The following GPR158 variants were observed in gnomAD, a reference collection of about 807,000 sequenced individuals.
GPR158 encodes G protein-coupled receptor 158, also known as metabotropic glycine receptor.
A neutral mutation model predicts 78.2 loss-of-function variants in GPR158; 30 were observed. That is an observed-to-expected ratio of 0.38 (90% CI 0.29 to 0.52). The LOEUF (loss-of-function observed/expected upper bound fraction) is 0.52, where lower values mean the gene tolerates loss of function less well. Ranked by LOEUF, GPR158 falls within the 20% of genes least tolerant of loss-of-function variation. The pLI, the probability that GPR158 is intolerant of heterozygous loss-of-function variation, is 0.83. For missense variants in GPR158, 1,463 were observed against 1,523.5 expected (o/e 0.96, Z 0.66); for synonymous variants, 581 against 591.1 (o/e 0.98, Z 0.25).
At chr10:25,563,971 C>A (rs758484227) in intron 6 of GPR158, among the ~76,000 whole-genome samples, 10 of 151,434 alleles carry the variant, frequency 6.6e-5, no homozygotes, top group Non-Finnish European at 1.5e-4. Flanking sequence ...TTTTTAGAGG[C>A]TGAACATTTT....
chr10:25,380,280 G>C (rs1834136554), intron 2 of GPR158, among the ~76,000 whole-genome samples: 1 of 152,046 alleles, frequency 6.6e-6, no homozygotes, highest in South Asian at 2.1e-4. Flanking sequence ...TCATTATCCT[G>C]AATTTTACGT....
At chr10:25,345,383 A>G (rs1855358719) in intron 2 of GPR158, among the ~76,000 whole-genome samples, 1 of 151,982 alleles carries the variant, frequency 6.6e-6, no homozygotes, top group Admixed American at 6.6e-5. Context: ...ATCTCGTAAA[A>G]TCGGTCAATA....
At chr10:25,359,799 A>G (rs1855606133) in intron 2 of GPR158, among the ~76,000 whole-genome samples, 1 of 152,152 alleles carries the variant, frequency 6.6e-6, no homozygotes, top group African/African-American at 2.4e-5. Flanking sequence ...GCTGGGTCAA[A>G]TGGTATTTCT....
At chr10:25,378,149 AAACTT>A (rs1218315272) in intron 2 of GPR158, among the ~76,000 whole-genome samples, 2 of 152,152 alleles carry the variant, frequency 1.3e-5, no homozygotes, top group Admixed American at 6.6e-5. Context: ...AATAGTGCAC[AAACTT>A]AACTTGTCTA....
Position 25,599,293 on chromosome 10 carries a change from G to C in GPR158, c.*19G>C. The stretch of plus-strand genomic sequence containing the variant: ...AGTGTAGCATCTCCAGGAAGAAGAG[G>C]AAAAGGAGGGAACCCCGGATTGGAT... On this transcript the variant is annotated 3_prime_UTR_variant, in exon 11 of 11. Coordinates refer to ENST00000376351, the MANE Select transcript of GPR158 (RefSeq NM_020752.3). 3 of 1,544,990 alleles carry C rather than the reference G, an allele frequency of 1.9e-6. No individual in the cohort carries two copies. Among genetic ancestry groups the C allele is most frequent in the Non-Finnish European group, 1.8e-6 (2 of 1,131,004 alleles).
rs898669720 is a variant in GPR158 at position 25,354,037 on chromosome 10, C to T, written c.1009-41874C>T. ...TGCACTGTGGTTACCATGATGCTTA[C>T]AAAAATCATCTTATAGATTTAAAAA... On this transcript the variant is annotated intron_variant, in intron 2 of 10. Transcript: ENST00000376351. Among the ~76,000 whole-genome samples the T allele has an allele frequency of 4.6e-5, 7 of 151,996 alleles. 1 individual carries two copies. In the East Asian group the frequency reaches 1.4e-3, roughly 30 times the overall value.
chr10:25,524,526 T>A (rs2130686485), intron 5 of GPR158, among the ~76,000 whole-genome samples: 1 of 152,266 alleles, frequency 6.6e-6, no homozygotes, highest in Admixed American at 6.5e-5. Context: ...GTGAAGAATG[T>A]TCAATGGGGA....
At chr10:25,337,634 A>G (rs1315846631) in intron 2 of GPR158, among the ~76,000 whole-genome samples, 1 of 152,052 alleles carries the variant, frequency 6.6e-6, no homozygotes, top group Non-Finnish European at 1.5e-5. Context: ...ATATTTATAC[A>G]TTTCTGTTGA....
intron 1 of GPR158, among the ~76,000 whole-genome samples, chr10:25,194,330 A>G (rs2130646324): frequency 6.6e-6 from 1 of 152,182 alleles, no homozygotes; most frequent in Admixed American, 6.5e-5. Flanking sequence ...CCTGAGGTCA[A>G]GAGTTCAAGA....
intron 2 of GPR158, among the ~76,000 whole-genome samples, chr10:25,287,120 C>T (rs551697483): frequency 2.6e-5 from 4 of 152,222 alleles, no homozygotes; most frequent in South Asian, 2.1e-4. Context: ...AGTGCTCCTA[C>T]GCCACTCCTA....
At chr10:25,566,565 A>C (rs1285709182) in intron 6 of GPR158, among the ~76,000 whole-genome samples, 3 of 152,228 alleles carry the variant, frequency 2.0e-5, no homozygotes, top group Non-Finnish European at 4.4e-5. Context: ...GAAGGTGAGA[A>C]AAAAGGAAAA....
intron 1 of GPR158, among the ~76,000 whole-genome samples, chr10:25,195,740 G>A (rs951032694): frequency 6.6e-6 from 1 of 151,700 alleles, no homozygotes; most frequent in African/African-American, 2.4e-5. Context: ...TCACCCTATG[G>A]AACACTCAAA....
At chr10:25,551,888 C>T (rs578160816) in intron 6 of GPR158, among the ~76,000 whole-genome samples, 80 of 152,214 alleles carry the variant, frequency 5.3e-4, no homozygotes, top group Non-Finnish European at 8.7e-4. Context: ...AAAGCTGTTT[C>T]GACAACCATG....
At chr10:25,372,233 A>G (rs1423698767) in intron 2 of GPR158, among the ~76,000 whole-genome samples, 1 of 152,004 alleles carries the variant, frequency 6.6e-6, no homozygotes, top group East Asian at 1.9e-4. Context: ...GATGTGGAGA[A>G]ATAGGAACAC....
chr10:25,268,555 T>C (rs1271069326), intron 2 of GPR158, among the ~76,000 whole-genome samples: 1 of 152,140 alleles, frequency 6.6e-6, no homozygotes. Context: ...GTATTCTCAA[T>C]GAACAGCTTT....
At chr10:25,189,389 A>G (rs1432478281) in intron 1 of GPR158, among the ~76,000 whole-genome samples, 2 of 152,196 alleles carry the variant, frequency 1.3e-5, no homozygotes, top group Admixed American at 6.5e-5. Context: ...CAACCCAAAA[A>G]TGTCCATCGA....
intron 2 of GPR158, among the ~76,000 whole-genome samples, chr10:25,327,271 CAG>C (rs1491060768): frequency 2.0e-5 from 3 of 151,846 alleles, no homozygotes; most frequent in Admixed American, 2.0e-4. Flanking sequence ...CACACACACA[CAG>C]AAACACAAAC....
intron 1 of GPR158, among the ~76,000 whole-genome samples, chr10:25,204,685 G>A (rs572628094): frequency 3.9e-5 from 6 of 152,162 alleles, no homozygotes; most frequent in South Asian, 2.1e-4. Flanking sequence ...TTGCATCGAT[G>A]TTCTTCAGGG....
At chr10:25,541,700 A>G (rs2130703669) in intron 5 of GPR158, among the ~76,000 whole-genome samples, 1 of 151,992 alleles carries the variant, frequency 6.6e-6, no homozygotes, top group South Asian at 2.1e-4. Flanking sequence ...GCTCTGGCTA[A>G]TGACTCATTT....
Sources: gnomAD v4.1 joint callset for allele counts (sites outside exome capture counted in the v4.1 genomes callset) on GRCh38, gnomAD v4.1.1 for gene constraint, MANE v1.5 for transcripts, NCBI Gene and HGNC (gene_info 2026-07-23, HGNC 2026-07-21) for gene names.